The following PCDH11X variants were observed in gnomAD, a reference collection of about 807,000 sequenced individuals.
The protein encoded by PCDH11X is protocadherin-11 X-linked.
A neutral mutation model predicts 53.3 loss-of-function variants in PCDH11X; 18 were observed. That is an observed-to-expected ratio of 0.34 (90% CI 0.23 to 0.50). The LOEUF (loss-of-function observed/expected upper bound fraction) is 0.50, where lower values mean the gene tolerates loss of function less well. PCDH11X is among the 20% of genes least tolerant of loss of function. The pLI is 0.98. For missense variants in PCDH11X, 570 were observed against 1,032.4 expected (o/e 0.55, Z 6.14); for synonymous variants, 279 against 393.3 (o/e 0.71, Z 3.44).
chrX:91,873,665 A>G (rs1030192615), intron 5 of PCDH11X, among the ~76,000 whole-genome samples: 1 of 111,674 alleles, frequency 9.0e-6, no homozygotes, highest in African/African-American at 3.2e-5. Context: ...TAAAAACTAA[A>G]TATATAAACA....
chrX:92,072,225 G>T (rs984229101), intron 6 of PCDH11X, among the ~76,000 whole-genome samples: 3 of 110,706 alleles, frequency 2.7e-5, no homozygotes, highest in Non-Finnish European at 5.7e-5. Context: ...GTCTAGAAAT[G>T]CTGTCCAAGA....
intron 9 of PCDH11X, among the ~76,000 whole-genome samples, chrX:92,422,098 G>T (rs2071981286): frequency 9.4e-6 from 1 of 106,477 alleles, no homozygotes; most frequent in Non-Finnish European, 1.9e-5. Context: ...TTATATACCG[G>T]CTCAGTGAAA....
intron 8 of PCDH11X, among the ~76,000 whole-genome samples, chrX:92,304,528 A>G (rs2068786124): frequency 8.9e-6 from 1 of 111,891 alleles, no homozygotes; most frequent in South Asian, 3.7e-4. Context: ...GGTATAATTC[A>G]AAGTAAAATA....
At chrX:91,893,401 G>A (rs1455088665) in intron 6 of PCDH11X, among the ~76,000 whole-genome samples, 4 of 104,269 alleles carry the variant, frequency 3.8e-5, no homozygotes, top group Non-Finnish European at 5.9e-5. Context: ...AGGCTGGAGT[G>A]CAGTGGCGCG....
intron 6 of PCDH11X, chrX:91,879,543 ATATATTGAAAAAAAC>A (rs1349298999): frequency 9.3e-7 from 1 of 1,071,129 alleles, no homozygotes; most frequent in Non-Finnish European, 1.2e-6. Context: ...TTGCTAGAGA[ATATATTGAAAAAAAC>A]TTCAACACAA....
chrX:92,407,526 G>A (rs1320099752), intron 9 of PCDH11X, among the ~76,000 whole-genome samples: 1 of 111,230 alleles, frequency 9.0e-6, no homozygotes, highest in East Asian at 2.8e-4. Flanking sequence ...CTAGTTTACT[G>A]ATATGGTTGA....
In PCDH11X at chrX:92,320,255, T is replaced by G. The variant is rs754411567; in HGVS notation, c.3144+57112T>G. Among the ~76,000 whole-genome samples, 4 of 111,349 alleles carry G rather than the reference T, an allele frequency of 3.6e-5. No homozygotes were observed. The East Asian group carries it at 1.1e-3, about 32-fold the overall frequency. On this transcript the variant is annotated intron_variant, in intron 8 of 10. Coordinates refer to ENST00000682573, the MANE Select transcript of PCDH11X (RefSeq NM_032968.5). ...TAGCAATCATTATAGTAGACAAAAG[T>G]TCTAGCTCACATGCCTCTGAGTTTT...
chrX:92,459,110 G>A (rs1202159473), intron 9 of PCDH11X, among the ~76,000 whole-genome samples: 1 of 88,109 alleles, frequency 1.1e-5, no homozygotes, highest in Non-Finnish European at 2.2e-5. Flanking sequence ...AGTTTTGATT[G>A]GCATCTCTCG....
chrX:92,436,898 T>C (rs146088835), intron 9 of PCDH11X, among the ~76,000 whole-genome samples: 420 of 107,161 alleles, frequency 3.9e-3, no homozygotes, highest in Non-Finnish European at 6.7e-3. Flanking sequence ...CAAAATAATC[T>C]GTACAGCAAA....
At chrX:92,460,911 G>A (rs1207519381) in intron 9 of PCDH11X, 23 of 1,080,038 alleles carry the variant, frequency 2.1e-5, no homozygotes, top group Non-Finnish European at 2.8e-5. Context: ...GGATGGCAAA[G>A]TGGTGTCTGA....
intron 9 of PCDH11X, among the ~76,000 whole-genome samples, chrX:92,434,771 A>G (rs1374457166): frequency 1.8e-5 from 2 of 109,444 alleles, no homozygotes; most frequent in Non-Finnish European, 3.8e-5. Flanking sequence ...GGGAATTTAT[A>G]AAGAAAGAGA....
chrX:91,849,711 G>A (rs1450980882), intron 5 of PCDH11X, among the ~76,000 whole-genome samples: 1 of 109,355 alleles, frequency 9.1e-6, no homozygotes, highest in Non-Finnish European at 1.9e-5. Context: ...ATTAGTGTTT[G>A]ATAATGAAAA....
chrX:92,011,832 A>G (rs1457622669), intron 6 of PCDH11X, among the ~76,000 whole-genome samples: 3 of 110,742 alleles, frequency 2.7e-5, no homozygotes, highest in African/African-American at 9.8e-5. Flanking sequence ...AGTGGAAACC[A>G]GAGTCTTATA....
intron 6 of PCDH11X, among the ~76,000 whole-genome samples, chrX:92,045,417 T>C (rs1447759698): frequency 9.8e-6 from 1 of 101,547 alleles, no homozygotes; most frequent in Non-Finnish European, 2.0e-5. Flanking sequence ...AATTTAGATA[T>C]GTGGGTCATC....
chrX:92,175,142 AT>A (rs1183805229), intron 6 of PCDH11X, among the ~76,000 whole-genome samples: 2 of 110,414 alleles, frequency 1.8e-5, no homozygotes, highest in Admixed American at 1.9e-4. Context: ...TGCCCAGCTA[AT>A]TTTTTGTATT....
At chrX:92,106,982 A>T (rs2064398367) in intron 6 of PCDH11X, among the ~76,000 whole-genome samples, 1 of 111,863 alleles carries the variant, frequency 8.9e-6, no homozygotes, top group Admixed American at 9.5e-5. Flanking sequence ...GAAGCCTATT[A>T]CTTGGAGGCC....
At chrX:91,918,000 A>G (rs12856653) in intron 6 of PCDH11X, among the ~76,000 whole-genome samples, 14,520 of 98,383 alleles carry the variant, frequency 0.15, 1,021 homozygotes, top group East Asian at 0.21. Flanking sequence ...ACAGAACAGA[A>G]CATGTATCAG....
chrX:91,848,211 T>G (rs1286914538), intron 5 of PCDH11X, among the ~76,000 whole-genome samples: 35 of 108,715 alleles, frequency 3.2e-4, no homozygotes, highest in African/African-American at 1.1e-3. Context: ...TTTGTTTTTT[T>G]TTTTTCTTGA....
chrX:92,605,516 A>G (rs1478223926), intron 10 of PCDH11X, among the ~76,000 whole-genome samples: 2 of 111,924 alleles, frequency 1.8e-5, no homozygotes, highest in African/African-American at 6.5e-5. Context: ...AAACATCCAG[A>G]TTGCAAAGAA....
Sources: allele counts gnomAD v4.1 joint callset (sites outside exome capture counted in the v4.1 genomes callset), GRCh38; gene constraint gnomAD v4.1.1; transcripts MANE v1.5; gene names NCBI Gene and HGNC (gene_info 2026-07-23, HGNC 2026-07-21).